The following MBD2 variants were observed in gnomAD, a reference collection of about 807,000 sequenced individuals.
MBD2 encodes methyl-CpG-binding domain protein 2.
Under a neutral mutation model 39.3 loss-of-function variants are expected in MBD2, and 9 were observed. That is an observed-to-expected ratio of 0.23 (90% CI 0.14 to 0.40). The LOEUF is 0.40. MBD2 is among the 10% of genes least tolerant of loss of function. The probability of loss-of-function intolerance (pLI) is 1.00; values close to 1 mark genes in which losing one functional copy is unlikely to be tolerated. For synonymous variants in MBD2, 233 were observed against 211.1 expected, an observed-to-expected ratio of 1.10 and a Z score of -0.90; for missense variants, 458 against 532.6, an observed-to-expected ratio of 0.86 and a Z score of 1.38.
intron 2 of MBD2, among the ~76,000 whole-genome samples, chr18:54,194,923 C>T (rs930238333): frequency 6.6e-6 from 1 of 152,046 alleles, no homozygotes; most frequent in South Asian, 2.1e-4. Flanking sequence ...GTTCTCAATC[C>T]AGTATCTCAT....
chr18:54,221,353 G>A (rs2086610289), intron 1 of MBD2, among the ~76,000 whole-genome samples: 1 of 151,886 alleles, frequency 6.6e-6, no homozygotes, highest in Non-Finnish European at 1.5e-5. Flanking sequence ...AGCTACTCGG[G>A]AGGCTGAGGC....
intron 3 of MBD2, among the ~76,000 whole-genome samples, chr18:54,181,006 C>T (rs2086248571): frequency 6.9e-6 from 1 of 145,888 alleles, no homozygotes; most frequent in South Asian, 2.3e-4. Flanking sequence ...AAGCAATTCT[C>T]ATGCGTCAGC....
intron 2 of MBD2, among the ~76,000 whole-genome samples, chr18:54,190,763 T>G (rs1267362004): frequency 2.0e-5 from 3 of 152,186 alleles, no homozygotes; most frequent in Non-Finnish European, 4.4e-5. Flanking sequence ...TCAACAACAT[T>G]AAGTGAGGAC....
At chr18:54,173,696 A>T (rs2086193181) in intron 3 of MBD2, among the ~76,000 whole-genome samples, 1 of 152,154 alleles carries the variant, frequency 6.6e-6, no homozygotes, top group South Asian at 2.1e-4. Context: ...GTTGTTTCTC[A>T]TTGGGAGGAA....
chr18:54,161,790 C>T (rs1327733129), intron 5 of MBD2, among the ~76,000 whole-genome samples: 1 of 152,208 alleles, frequency 6.6e-6, no homozygotes, highest in Non-Finnish European at 1.5e-5. Flanking sequence ...TTATATAATT[C>T]TCTCCTCTTA....
intron 1 of MBD2, among the ~76,000 whole-genome samples, chr18:54,206,026 C>T (rs192981224): frequency 2.0e-5 from 3 of 152,000 alleles, no homozygotes; most frequent in Non-Finnish European, 4.4e-5. Context: ...CCAATTTGGG[C>T]TCATAACACT....
rs141529673 is a variant in MBD2 at position 54,218,608 on chromosome 18, T to C, written c.542+5410A>G. 1.3e-3 allele frequency among the ~76,000 whole-genome samples: 198 copies of C among 152,288 alleles called. 3 individuals carry two copies. The East Asian group carries it at 0.032, about 24-fold the overall frequency. ...TACAACCCCAAGCACACTACTTCCC[T>C]TTGCTAACTCCCAATCTGTAAAATG... On this transcript the variant is annotated intron_variant, in intron 1 of 6. Transcript: ENST00000256429.
At chr18:54,196,717 G>A (rs905645827) in intron 2 of MBD2, among the ~76,000 whole-genome samples, 4 of 152,128 alleles carry the variant, frequency 2.6e-5, no homozygotes, top group African/African-American at 9.7e-5. Flanking sequence ...CTCTGTCTCC[G>A]AATCTCCCTT....
intron 3 of MBD2, among the ~76,000 whole-genome samples, chr18:54,182,320 G>A (rs1332033603): frequency 2.0e-5 from 3 of 152,170 alleles, no homozygotes; most frequent in South Asian, 2.1e-4. Flanking sequence ...TCCAAACTTG[G>A]TAAATCAGGG....
chr18:54,187,542 T>G (rs1348516749), intron 3 of MBD2, among the ~76,000 whole-genome samples: 2 of 152,188 alleles, frequency 1.3e-5, no homozygotes, highest in Non-Finnish European at 2.9e-5. Flanking sequence ...CCTGTTGTAA[T>G]GAATATACTG....
chr18:54,224,427 G>C lies in MBD2; in HGVS notation c.133C>G (p.Pro45Ala). 8.1e-7 allele frequency: 1 copy of C among 1,242,074 alleles called. No homozygotes were observed. Among genetic ancestry groups the C allele is most frequent in the Non-Finnish European group, 1.0e-6 (1 of 996,226 alleles). The allele number at this position is 1,242,074 out of a possible 1,614,324, so 76.9% of individuals were successfully genotyped here. A position where few individuals can be genotyped will look rare whatever the true frequency, so the allele number is the denominator to read the frequency against. The stretch of plus-strand genomic sequence containing the variant: ...CCTTCCCTGCGCACGCCGCTCACCG[G>C]GGACGGGGCGAGCGCGCTGCCCTGG... ...GGQGSALAPSPVSGVRREGAR... is the reference protein window; with the variant it reads ...GGQGSALAPSAVSGVRREGAR... Residue 45 changes from proline to alanine, a missense_variant, in exon 1 of 7, where the codon CCG becomes GCG. By Grantham distance (27) the Pro-to-Ala change is conservative. Coordinates refer to ENST00000256429, the MANE Select transcript of MBD2 (RefSeq NM_003927.5).
At chr18:54,158,221 C>T (rs1433277589) in intron 6 of MBD2, among the ~76,000 whole-genome samples, 1 of 151,298 alleles carries the variant, frequency 6.6e-6, no homozygotes, top group Non-Finnish European at 1.5e-5. Context: ...ATACTGCATT[C>T]CAACCACGTG....
At chr18:54,163,101 G>A (rs975701413) in intron 5 of MBD2, among the ~76,000 whole-genome samples, 1 of 151,966 alleles carries the variant, frequency 6.6e-6, no homozygotes, top group Non-Finnish European at 1.5e-5. Context: ...GTGAAACCCT[G>A]TCTCTACTAA....
chr18:54,157,151 A>C (rs2143907625), intron 6 of MBD2, among the ~76,000 whole-genome samples: 1 of 152,308 alleles, frequency 6.6e-6, no homozygotes, highest in Non-Finnish European at 1.5e-5. Context: ...CAAAGCCCAT[A>C]AATACATCCT....
chr18:54,218,087 T>G (rs1277926859), intron 1 of MBD2, among the ~76,000 whole-genome samples: 1 of 152,358 alleles, frequency 6.6e-6, no homozygotes, highest in Admixed American at 6.5e-5. Flanking sequence ...TAATAAATAT[T>G]GGATTTCTTT....
chr18:54,219,858 T>C (rs1352414612), intron 1 of MBD2, among the ~76,000 whole-genome samples: 1 of 152,242 alleles, frequency 6.6e-6, no homozygotes, highest in African/African-American at 2.4e-5. Flanking sequence ...TGGAGTGCAG[T>C]GGCGTGATCT....
intron 3 of MBD2, among the ~76,000 whole-genome samples, chr18:54,181,082 A>G (rs1488375080): frequency 6.6e-6 from 1 of 151,890 alleles, no homozygotes; most frequent in East Asian, 1.9e-4. Flanking sequence ...TTTAGTAGAG[A>G]TGCGTTTTCA....
intron 2 of MBD2, chr18:54,203,109 C>G (rs1407180977): frequency 6.2e-7 from 1 of 1,611,914 alleles, no homozygotes; most frequent in Non-Finnish European, 8.5e-7. Flanking sequence ...GCAGCTAGAG[C>G]AGAAAAGTGC....
chr18:54,188,834 T>A, intron 3 of MBD2, 40 bp downstream of exon 3: 1 of 1,553,718 alleles, frequency 6.4e-7, no homozygotes, highest in Non-Finnish European at 8.7e-7. Flanking sequence ...TACCAGCATT[T>A]TTCTGAAAAA....
Sources: allele counts gnomAD v4.1 joint callset (sites outside exome capture counted in the v4.1 genomes callset), GRCh38; gene constraint gnomAD v4.1.1; transcripts MANE v1.5; gene names NCBI Gene and HGNC (gene_info 2026-07-23, HGNC 2026-07-21).